The following PTPRD variants were observed in gnomAD, a reference collection of about 807,000 sequenced individuals.
PTPRD encodes the protein protein tyrosine phosphatase receptor type D.
Under a neutral mutation model 214.5 loss-of-function variants are expected in PTPRD, and 34 were observed. The observed-to-expected ratio is 0.16, with a 90% confidence interval of 0.12 to 0.21. The LOEUF (loss-of-function observed/expected upper bound fraction) is 0.21, where lower values mean the gene tolerates loss of function less well. Ranked by LOEUF, PTPRD falls within the 10% of genes least tolerant of loss-of-function variation. PTPRD has a pLI of 1.00. For missense variants in PTPRD, 2,545 were observed against 2,398.7 expected (o/e 1.06, Z -1.27); for synonymous variants, 1,128 against 845.7 (o/e 1.33, Z -5.79).
chr9:9,333,995 A>C (rs982858463), intron 9 of PTPRD, among the ~76,000 whole-genome samples: 1 of 151,976 alleles, frequency 6.6e-6, no homozygotes, highest in Non-Finnish European at 1.5e-5. Flanking sequence ...GGGAGGAACT[A>C]TGACTAAGCT....
chr9:10,344,072 C>T (rs1225896324), intron 2 of PTPRD, among the ~76,000 whole-genome samples: 13 of 124,944 alleles, frequency 1.0e-4, no homozygotes, highest in Admixed American at 2.8e-4. Context: ...GTTGCCATTG[C>T]TTTTGGTGTT....
intron 2 of PTPRD, among the ~76,000 whole-genome samples, chr9:10,515,762 C>A (rs1425442046): frequency 6.6e-6 from 1 of 151,804 alleles, no homozygotes; most frequent in African/African-American, 2.4e-5. Context: ...TCACTCAGAC[C>A]CCAGCAACCA....
intron 11 of PTPRD, among the ~76,000 whole-genome samples, chr9:8,955,993 G>C (rs1567224653): frequency 6.6e-6 from 1 of 151,622 alleles, no homozygotes; most frequent in Non-Finnish European, 1.5e-5. Flanking sequence ...GGCCATTTTT[G>C]AATTCCATCA....
chr9:8,645,273 G>A (rs1412316297), intron 12 of PTPRD, among the ~76,000 whole-genome samples: 3 of 152,094 alleles, frequency 2.0e-5, no homozygotes, highest in Non-Finnish European at 4.4e-5. Flanking sequence ...CAGAGATTAC[G>A]ATGTCTGACC....
At chr9:9,844,398 A>G (rs1035193993) in intron 5 of PTPRD, among the ~76,000 whole-genome samples, 9 of 152,004 alleles carry the variant, frequency 5.9e-5, no homozygotes, top group African/African-American at 2.2e-4. Context: ...TTAAAAAGTC[A>G]AACTCAAAGA....
At chr9:9,268,659 A>C (rs1941313162) in intron 9 of PTPRD, among the ~76,000 whole-genome samples, 1 of 151,150 alleles carries the variant, frequency 6.6e-6, no homozygotes, top group South Asian at 2.1e-4. Context: ...TGGGCATAAC[A>C]ACAAACATAC....
intron 3 of PTPRD, among the ~76,000 whole-genome samples, chr9:10,328,709 T>C (rs887993742): frequency 6.6e-6 from 1 of 151,780 alleles, no homozygotes; most frequent in Non-Finnish European, 1.5e-5. Flanking sequence ...AATTCATCTC[T>C]ATGCAGCAAA....
rs1169929846 is a variant in PTPRD, at chr9:9,980,601, A to T, written c.-471-41991T>A. Among the ~76,000 whole-genome samples, 64 of 108,782 alleles carry T rather than the reference A, an allele frequency of 5.9e-4. 1 individual carries two copies. Among genetic ancestry groups the T allele is most frequent in the Non-Finnish European group, 1.0e-3 (55 of 54,118 alleles). 71.4% of individuals were successfully genotyped at this position (108,782 alleles called of 152,430 possible). A position where few individuals can be genotyped will look rare whatever the true frequency, so the allele number is the denominator to read the frequency against. On this transcript the variant is annotated intron_variant, in intron 4 of 45. Coordinates refer to ENST00000381196, the MANE Select transcript of PTPRD (RefSeq NM_002839.4). ...TCCAGCTTGGGTAACAGAGTGAGACACCTTGTCAAAAAAAAACAAAAAAAA... is the reference window on the plus strand; with the variant it reads ...TCCAGCTTGGGTAACAGAGTGAGACTCCTTGTCAAAAAAAAACAAAAAAAA...
At chr9:8,622,258 C>T (rs531903974) in intron 14 of PTPRD, among the ~76,000 whole-genome samples, 8 of 152,030 alleles carry the variant, frequency 5.3e-5, no homozygotes, top group East Asian at 3.9e-4. Flanking sequence ...TATCCCAAAT[C>T]TTCCTACAAA....
chr9:10,151,571 A>G (rs2099061525), intron 3 of PTPRD, among the ~76,000 whole-genome samples: 1 of 151,880 alleles, frequency 6.6e-6, no homozygotes, highest in Admixed American at 6.6e-5. Flanking sequence ...TTTTTTGCTA[A>G]CTTTTAAATC....
intron 12 of PTPRD, among the ~76,000 whole-genome samples, chr9:8,656,878 A>T (rs1369760562): frequency 6.6e-6 from 1 of 152,212 alleles, no homozygotes; most frequent in Non-Finnish European, 1.5e-5. Context: ...GAGTGTTACA[A>T]CCTGTCACTG....
intron 3 of PTPRD, among the ~76,000 whole-genome samples, chr9:10,319,122 C>A (rs771334200): frequency 6.6e-6 from 1 of 152,044 alleles, no homozygotes; most frequent in African/African-American, 2.4e-5. Flanking sequence ...TGTCTATTGG[C>A]AAGACACCAC....
chr9:8,875,181 A>G (rs2098372655), intron 11 of PTPRD, among the ~76,000 whole-genome samples: 1 of 152,206 alleles, frequency 6.6e-6, no homozygotes, highest in South Asian at 2.1e-4. Context: ...TATGATAAAT[A>G]ACATAATTGC....
At chr9:9,248,917 C>T (rs955587607) in intron 9 of PTPRD, among the ~76,000 whole-genome samples, 10 of 152,024 alleles carry the variant, frequency 6.6e-5, no homozygotes, top group Non-Finnish European at 1.2e-4. Context: ...TCAGTACTAG[C>T]TGGTAAAGTG....
chr9:9,321,685 C>T (rs968228447), intron 9 of PTPRD, among the ~76,000 whole-genome samples: 1 of 152,002 alleles, frequency 6.6e-6, no homozygotes, highest in African/African-American at 2.4e-5. Flanking sequence ...TCATTTACAT[C>T]TAACTTTCCA....
At chr9:8,450,300 G>C (rs890180888) in intron 33 of PTPRD, among the ~76,000 whole-genome samples, 8 of 152,224 alleles carry the variant, frequency 5.3e-5, no homozygotes, top group South Asian at 2.1e-4. Flanking sequence ...TATAAGTGGT[G>C]ACTACAGAGA....
chr9:10,519,049 C>A (rs115174345), intron 2 of PTPRD, among the ~76,000 whole-genome samples: 1,679 of 151,912 alleles, frequency 0.011, 42 homozygotes, highest in African/African-American at 0.038. Flanking sequence ...TGCCTCCCAG[C>A]TTTCTGATAC....
chr9:8,921,187 G>T (rs1352696279), intron 11 of PTPRD, among the ~76,000 whole-genome samples: 1 of 152,192 alleles, frequency 6.6e-6, no homozygotes, highest in Non-Finnish European at 1.5e-5. Flanking sequence ...GCTATTCATT[G>T]ACACATTAGA....
In PTPRD at chr9:9,910,547, A is replaced by G. The variant is rs574030241; in HGVS notation, c.-368+27960T>C. Among the ~76,000 whole-genome samples, 7 of 152,146 alleles carry G rather than the reference A, an allele frequency of 4.6e-5. No homozygotes were observed. In the East Asian group the frequency reaches 9.7e-4, roughly 21 times the overall value. ...AATTTCTGTTCAGCTTTTCTAGTACAAAGTATTGCCATTAACTCTCTTCTT... is the reference window on the plus strand; with the variant it reads ...AATTTCTGTTCAGCTTTTCTAGTACGAAGTATTGCCATTAACTCTCTTCTT... On this transcript the variant is annotated intron_variant, in intron 5 of 45. Coordinates refer to ENST00000381196, the MANE Select transcript of PTPRD (RefSeq NM_002839.4).
Sources: gnomAD v4.1 joint callset for allele counts (sites outside exome capture counted in the v4.1 genomes callset) on GRCh38, gnomAD v4.1.1 for gene constraint, MANE v1.5 for transcripts, NCBI Gene and HGNC (gene_info 2026-07-23, HGNC 2026-07-21) for gene names.